ARHGAP12: variants seen among roughly 807,000 people sequenced by gnomAD.
ARHGAP12 encodes rho GTPase-activating protein 12.
A neutral mutation model predicts 108.6 loss-of-function variants in ARHGAP12; 64 were observed. The observed-to-expected ratio is 0.59, with a 90% CI of 0.48 to 0.73. The LOEUF (loss-of-function observed/expected upper bound fraction) is 0.73, where lower values mean the gene tolerates loss of function less well. ARHGAP12 is among the 30% of genes least tolerant of loss of function. The pLI is 0.00. For synonymous variants in ARHGAP12, 312 were observed against 337.2 expected, an observed-to-expected ratio of 0.93 and a Z score of 0.82; for missense variants, 940 against 1,005.9, an observed-to-expected ratio of 0.93 and a Z score of 0.89.
At chr10:31,835,294 A>G (rs946867892) in intron 9 of ARHGAP12, among the ~76,000 whole-genome samples, 2 of 152,106 alleles carry the variant, frequency 1.3e-5, no homozygotes, top group Non-Finnish European at 2.9e-5. Flanking sequence ...AAATCAACCA[A>G]TGTTTTTGTG....
At position 31,843,479 on chromosome 10, in the gene ARHGAP12, T is replaced by C. The variant is rs1371508078; in HGVS notation, c.1278A>G (p.Val426=). Reference sequence around the variant, plus strand: ...GTCCTACCTTATCATTAGTGTCCAATACAATGGTGCTATGTCTCCACTTTG... The same window carrying C: ...GTCCTACCTTATCATTAGTGTCCAACACAATGGTGCTATGTCTCCACTTTG... The part of the protein sequence containing the change: ...VLTKWRHSTI[V]LDTNDKESPT... Residue 426 remains valine, a synonymous_variant, in exon 7 of 20, where the codon GTA becomes GTG. Transcript: ENST00000344936. 7.4e-6 allele frequency: 12 copies of C among 1,612,964 alleles called. No individual in the cohort carries two copies. The highest frequency in any genetic ancestry group is 2.7e-5 in the African/African-American group (2 of 74,866).
intron 6 of ARHGAP12, among the ~76,000 whole-genome samples, chr10:31,851,501 A>C (rs1482110529): frequency 6.6e-6 from 1 of 152,168 alleles, no homozygotes; most frequent in Non-Finnish European, 1.5e-5. Flanking sequence ...AAAACTGTAA[A>C]AGCTGTCAGT....
chr10:31,817,414 G>A (rs1395285021), intron 13 of ARHGAP12, among the ~76,000 whole-genome samples: 1 of 152,144 alleles, frequency 6.6e-6, no homozygotes, highest in Non-Finnish European at 1.5e-5. Context: ...AGAGACTACA[G>A]CTTCTTTCAT....
At chr10:31,888,514 T>C (rs1196761225) in intron 3 of ARHGAP12, among the ~76,000 whole-genome samples, 3 of 152,060 alleles carry the variant, frequency 2.0e-5, no homozygotes, top group Non-Finnish European at 4.4e-5. Context: ...AACAGAACCA[T>C]GGAGAGAAAA....
At chr10:31,823,162 A>C (rs1345840310) in intron 11 of ARHGAP12, among the ~76,000 whole-genome samples, 1 of 152,172 alleles carries the variant, frequency 6.6e-6, no homozygotes, top group Non-Finnish European at 1.5e-5. Context: ...GGACCATGTT[A>C]TTTCTTTCTA....
chr10:31,913,791 G>C (rs1374799450), intron 1 of ARHGAP12: 2 of 125,338 alleles, frequency 1.6e-5, no homozygotes, highest in East Asian at 4.6e-4. Flanking sequence ...TTTTTTTTTT[G>C]AAGAAAGAAT....
At chr10:31,809,164 T>G in intron 17 of ARHGAP12, 36 bp from the exon 18 acceptor site, 1 of 1,612,696 alleles carries the variant, frequency 6.2e-7, no homozygotes, top group East Asian at 2.2e-5. Flanking sequence ...TTTAAAAAAT[T>G]ACTTTAAGCC....
chr10:31,892,667 T>C (rs186637908), intron 3 of ARHGAP12, among the ~76,000 whole-genome samples: 212 of 152,104 alleles, frequency 1.4e-3, no homozygotes, highest in Non-Finnish European at 2.4e-3. Flanking sequence ...GACTTTAACA[T>C]CCCACTGTCA....
At chr10:31,883,311 C>T (rs1838057648) in intron 3 of ARHGAP12, among the ~76,000 whole-genome samples, 2 of 152,162 alleles carry the variant, frequency 1.3e-5, no homozygotes, top group South Asian at 4.1e-4. Flanking sequence ...AAAAGAAATA[C>T]CTACTCTTTT....
intron 1 of ARHGAP12, among the ~76,000 whole-genome samples, chr10:31,915,499 G>A (rs185069860): frequency 4.1e-4 from 62 of 152,038 alleles, no homozygotes; most frequent in African/African-American, 1.4e-3. Context: ...CAAATAGGAG[G>A]AATAAATTTC....
At chr10:31,921,967 A>T (rs1839833598) in intron 1 of ARHGAP12, among the ~76,000 whole-genome samples, 1 of 151,650 alleles carries the variant, frequency 6.6e-6, no homozygotes, top group Admixed American at 6.6e-5. Flanking sequence ...AGGCAGGCAG[A>T]TCATCTGAGC....
chr10:31,872,990 T>C (rs116048400), intron 3 of ARHGAP12, among the ~76,000 whole-genome samples: 170 of 152,276 alleles, frequency 1.1e-3, no homozygotes, highest in African/African-American at 3.8e-3. Flanking sequence ...TGATTCAAAC[T>C]CTTTGAAATG....
intron 19 of ARHGAP12, 102 bp from the exon 20 acceptor site, chr10:31,807,934 T>A: frequency 1.1e-6 from 1 of 869,828 alleles, no homozygotes; most frequent in Non-Finnish European, 1.6e-6. Flanking sequence ...AAAAGAGAAG[T>A]AATACTTATT....
intron 3 of ARHGAP12, among the ~76,000 whole-genome samples, chr10:31,882,911 T>C (rs1364826588): frequency 6.6e-6 from 1 of 151,594 alleles, no homozygotes; most frequent in Non-Finnish European, 1.5e-5. Flanking sequence ...GTAAAACAGA[T>C]ACTAGATATC....
chr10:31,914,161 TAAGAA>T (rs1459875012), intron 1 of ARHGAP12, among the ~76,000 whole-genome samples: 3 of 152,222 alleles, frequency 2.0e-5, no homozygotes, highest in African/African-American at 7.2e-5. Flanking sequence ...AATTTTTTAT[TAAGAA>T]AATAATAATA....
rs1485049267 is a variant in ARHGAP12 at position 31,807,074 on chromosome 10, T to C, written c.*584A>G. 6.6e-6 allele frequency: 1 copy of C among 152,642 alleles called. No homozygotes were observed. The highest frequency in any genetic ancestry group is 1.5e-5 in the Non-Finnish European group (1 of 68,022). 9.5% of individuals were successfully genotyped at this position (152,642 alleles called of 1,614,324 possible). ...GTGCTGCCCAAACAAGCAACTAAGA[T>C]ATCCAGTAAGGATGCTGTGTAACAC... On this transcript the variant is annotated 3_prime_UTR_variant, in exon 20 of 20. Transcript: ENST00000344936.
intron 3 of ARHGAP12, among the ~76,000 whole-genome samples, chr10:31,864,059 G>A (rs1837232400): frequency 1.3e-5 from 2 of 152,098 alleles, no homozygotes; most frequent in South Asian, 4.1e-4. Flanking sequence ...ATAACTAACT[G>A]CCAAGTATAA....
intron 3 of ARHGAP12, among the ~76,000 whole-genome samples, chr10:31,887,159 G>T (rs371772763): frequency 1.2e-4 from 19 of 152,254 alleles, no homozygotes; most frequent in African/African-American, 4.1e-4. Flanking sequence ...CAGGGTAGAG[G>T]GGCAGGATGA....
chr10:31,923,152 A>C lies in ARHGAP12; in HGVS notation c.-111+5531T>G, dbSNP rs555605693. On this transcript the variant is annotated intron_variant, in intron 1 of 19. Transcript: ENST00000344936. ...AACAGGAAAAAAAAAAAAAAAAAAA[A>C]CAGGCAAAATATTTAAACAGACTTG... Among the ~76,000 whole-genome samples the C allele has an allele frequency of 8.6e-5, 13 of 150,348 alleles. No homozygotes were observed. In the East Asian group the frequency reaches 2.1e-3, roughly 25 times the overall value.
Sources: allele counts gnomAD v4.1 joint callset (sites outside exome capture counted in the v4.1 genomes callset), GRCh38; gene constraint gnomAD v4.1.1; transcripts MANE v1.5; gene names NCBI Gene and HGNC (gene_info 2026-07-23, HGNC 2026-07-21).